The following SSH3 variants were observed in gnomAD, a reference collection of about 807,000 sequenced individuals.
The protein encoded by SSH3 is slingshot protein phosphatase 3, also known as protein phosphatase Slingshot homolog 3.
A neutral mutation model predicts 75.0 loss-of-function variants in SSH3; 67 were observed. The observed-to-expected ratio is 0.89, with a 90% CI of 0.73 to 1.10. SSH3 has a LOEUF of 1.10. Among genes scored for constraint, SSH3 ranks in the 50% least tolerant of loss-of-function variants. The pLI is 0.00. For missense variants in SSH3, 824 were observed against 872.7 expected (o/e 0.94, Z 0.70); for synonymous variants, 318 against 349.2 (o/e 0.91, Z 1.00).
intron 3 of SSH3, among the ~76,000 whole-genome samples, chr11:67,305,978 A>G (rs1861228392): frequency 1.3e-5 from 2 of 152,060 alleles, no homozygotes; most frequent in Non-Finnish European, 1.5e-5. Flanking sequence ...TGCAAGTGAC[A>G]GGGTAAAAAA....
At chr11:67,303,749 C>G in intron 1 of SSH3, 58 bp downstream of exon 1, 1 of 1,404,432 alleles carries the variant, frequency 7.1e-7, no homozygotes, top group South Asian at 1.5e-5. Flanking sequence ...CTTGGGAGCG[C>G]GTCCTGCCCG....
chr11:67,309,098 C>T, intron 10 of SSH3: 1 of 387,390 alleles, frequency 2.6e-6, no homozygotes, highest in East Asian at 5.4e-5. Flanking sequence ...CAGACCCACC[C>T]ACTCTCAGCT....
Position 67,307,918 on chromosome 11 carries a change from G to A in SSH3, c.864G>A (p.Leu288=), listed in dbSNP as rs1203226027. Residue 288 remains leucine, a synonymous_variant, in exon 8 of 14, where the codon CTG becomes CTA. Transcript: ENST00000308127. This position sits in a 1 kb window ranked among gnomAD's most constrained non-coding sequence, Gnocchi z 4.2. ...ELWKVLDVSD[L]ESVTSKEIRQ... ...GGAAAGTGTTGGATGTCAGTGACCTGGAGAGTGTCACTTCCAAAGAGGTGG... is the reference window on the plus strand; with the variant it reads ...GGAAAGTGTTGGATGTCAGTGACCTAGAGAGTGTCACTTCCAAAGAGGTGG... 1 of 1,614,238 alleles carries A rather than the reference G, an allele frequency of 6.2e-7. No homozygotes were observed. The highest frequency in any genetic ancestry group is 2.2e-5 in the East Asian group (1 of 44,896).
In SSH3 at chr11:67,307,068, T is replaced by A; in HGVS notation, c.491T>A (p.Val164Asp). The A allele has an allele frequency of 6.2e-7, 1 of 1,614,042 alleles. No homozygotes were observed. Among genetic ancestry groups the A allele is most frequent in the Non-Finnish European group, 8.5e-7 (1 of 1,179,984 alleles). The change falls in exon 5 of 14, where the codon GTC (valine) becomes GAC (aspartate). Residue 164 changes from valine (V) to aspartate (D), a missense_variant. Physicochemically the swap from Val to Asp is radical, Grantham distance 152. Transcript: ENST00000308127. The surrounding 1 kb of genome is among the most constrained non-coding windows in gnomAD (Gnocchi z 4.2). ...TCCCCCAGCTGCACCCTGGGCCTGG[T>A]CTTGCCCCTCTGGAGTGACACCCAG... is the stretch of plus-strand genomic sequence containing the variant. ...SSSPSCTLGL[V>D]LPLWSDTQVY...
intron 3 of SSH3, 68 bp from the exon 4 acceptor site, chr11:67,306,770 T>G: frequency 2.0e-6 from 3 of 1,520,108 alleles, no homozygotes; most frequent in Non-Finnish European, 1.8e-6. Context: ...GTTCTGGGCC[T>G]GGGGTGTCTA....
Position 67,304,147 on chromosome 11 carries a change from C to G in SSH3, c.96C>G (p.Leu32=), listed in dbSNP as rs747027866. 3 of 1,599,750 alleles carry G rather than the reference C, an allele frequency of 1.9e-6. No individual in the cohort carries two copies. Among genetic ancestry groups the G allele is most frequent in the Admixed American group, 1.7e-5 (1 of 59,532 alleles). ...AGGCGGTCCAGCGAAGGAGTCGACT[C>G]CAGCGAAGGTGAGCGCCACCTCCCC... ...WDQAVQRRSR[L]QRRQSFAVLR... Residue 32 remains leucine (L), a synonymous_variant, in exon 2 of 14, where the codon CTC becomes CTG. Transcript: ENST00000308127.
At position 67,307,206 on chromosome 11, in the gene SSH3, T is replaced by C; in HGVS notation, c.536+93T>C. On this transcript the variant is annotated intron_variant, in intron 5 of 13. Coordinates refer to ENST00000308127, the MANE Select transcript of SSH3 (RefSeq NM_017857.4). The surrounding 1 kb of genome is among the most constrained non-coding windows in gnomAD (Gnocchi z 4.2). Reference sequence around the variant, plus strand: ...CCTGGGCACCAGGGTACAGTAGAACTTTAGGCTGGGACTCTGGGGCCTGCT... The same window carrying C: ...CCTGGGCACCAGGGTACAGTAGAACCTTAGGCTGGGACTCTGGGGCCTGCT... The C allele has an allele frequency of 6.4e-7, 1 of 1,571,070 alleles. No individual in the cohort carries two copies. The highest frequency in any genetic ancestry group is 1.1e-5 in the South Asian group (1 of 87,100).
At position 67,307,648 on chromosome 11, in the gene SSH3, G is replaced by C. The variant is rs1368425062; in HGVS notation, c.702G>C (p.Glu234Asp). Residue 234 changes from glutamate to aspartate, a missense_variant, in exon 7 of 14, where the codon GAG becomes GAC. By Grantham distance (45) the Glu-to-Asp change is conservative. Transcript: ENST00000308127. This position sits in a 1 kb window ranked among gnomAD's most constrained non-coding sequence, Gnocchi z 4.2. ...TCACCTGGGCCAGCCACTACCAGGA[G>C]AGACTGAACTCCGAACAGAGCTGCC... ...SALTWASHYQ[E>D]RLNSEQSCLN... 1.2e-6 allele frequency: 2 copies of C among 1,614,084 alleles called. No individual in the cohort carries two copies. The highest frequency in any genetic ancestry group is 1.7e-6 in the Non-Finnish European group (2 of 1,180,042).
Position 67,310,149 on chromosome 11 carries a change from C to T in SSH3, c.1493C>T (p.Pro498Leu). The T allele has an allele frequency of 6.2e-7, 1 of 1,614,232 alleles. No individual in the cohort carries two copies. The highest frequency in any genetic ancestry group is 2.2e-5 in the East Asian group (1 of 44,890). ...HPAPEVSTPF[P>L]PLPPEPEGGG... is the part of the protein sequence containing the mutation. ...GCCCCTGAAGTCTCTACACCATTCC[C>T]ACCTCTTCCGCCAGAACCTGAGGGT... Residue 498 changes from proline (P) to leucine (L), a missense_variant, in exon 13 of 14, where the codon CCA becomes CTA. Coordinates refer to ENST00000308127, the MANE Select transcript of SSH3 (RefSeq NM_017857.4).
chr11:67,304,941 G>A lies in SSH3; in HGVS notation c.273G>A (p.Gln91=), dbSNP rs150042639. Residue 91 remains glutamine, a synonymous_variant, in exon 3 of 14, where the codon CAG becomes CAA. Transcript: ENST00000308127. ...FGQGSQSPQK[Q]EEQRQHLHLM... is the part of the protein sequence containing the mutation. The stretch of plus-strand genomic sequence containing the variant: ...AAGGATCCCAGAGTCCCCAGAAGCA[G>A]GAGGAGCAGAGGCAGCACCTGCACC... 439 of 1,613,584 alleles carry A rather than the reference G, an allele frequency of 2.7e-4. No homozygotes were observed. The highest frequency in any genetic ancestry group is 3.4e-4 in the Non-Finnish European group (401 of 1,179,984).
chr11:67,306,791 A>C (rs774592337), intron 3 of SSH3, 47 bp from the exon 4 acceptor site: 1 of 1,563,818 alleles, frequency 6.4e-7, no homozygotes, highest in Admixed American at 1.8e-5. Context: ...GGTGGGGAGC[A>C]GGGTCCTTGG....
chr11:67,303,998 G>A (rs1396525756), intron 1 of SSH3, 120 bp from the exon 2 acceptor site: 1 of 1,323,328 alleles, frequency 7.6e-7, no homozygotes, highest in East Asian at 2.6e-5. Context: ...GTGGACTGGG[G>A]TGGGAAGACG....
rs747586968 is a variant in SSH3, at chr11:67,307,766, G to A, written c.791+29G>A. 6.2e-7 allele frequency: 1 copy of A among 1,613,848 alleles called. No individual in the cohort carries two copies. Among genetic ancestry groups the A allele is most frequent in the Non-Finnish European group, 8.5e-7 (1 of 1,179,956 alleles). On this transcript the variant is annotated intron_variant, in intron 7 of 13. Transcript: ENST00000308127. This position sits in a 1 kb window ranked among gnomAD's most constrained non-coding sequence, Gnocchi z 4.2. ...AGTGTGTGGAGGGGAGGGACTGGGT[G>A]GAGGGGAAGGCAGGATAATGCAGTG...
chr11:67,305,996 C>T (rs978807256), intron 3 of SSH3, among the ~76,000 whole-genome samples: 11 of 150,344 alleles, frequency 7.3e-5, no homozygotes, highest in Non-Finnish European at 1.6e-4. Context: ...AAAAAAACAA[C>T]AAAAAAAAAC....
In SSH3 at chr11:67,311,839, G is replaced by A; in HGVS notation, c.1932G>A (p.Val644=). 1 of 1,612,874 alleles carries A rather than the reference G, an allele frequency of 6.2e-7. No homozygotes were observed. The highest frequency in any genetic ancestry group is 8.5e-7 in the Non-Finnish European group (1 of 1,179,990). ...CCTCTACGCCCAGGTTCCGGAAGGT[G>A]GTGAGACAGGCCAGCGTGCATGACA... ...CISSTPRFRK[V]VRQASVHDSG... The change falls in exon 14 of 14, where the codon GTG becomes GTA. Residue 644 remains valine, a synonymous_variant. Coordinates refer to ENST00000308127, the MANE Select transcript of SSH3 (RefSeq NM_017857.4).
chr11:67,303,853 C>T, intron 1 of SSH3, 162 bp downstream of exon 1: 2 of 797,922 alleles, frequency 2.5e-6, no homozygotes, highest in Non-Finnish European at 3.7e-6. Context: ...GGTACTGGCG[C>T]CGGGGCACAA....
rs1207223634 is a variant in SSH3 at position 67,306,818 on chromosome 11, G to A, written c.340-20G>A. On this transcript the variant is annotated intron_variant, in intron 3 of 13. Transcript: ENST00000308127. Reference sequence around the variant, plus strand: ...GGTCCTTGGGGCCACTGTGACCCTGGGTTCCTCATCTCCCCCCAGGCAGCC... The same window carrying A: ...GGTCCTTGGGGCCACTGTGACCCTGAGTTCCTCATCTCCCCCCAGGCAGCC... 1 of 1,599,300 alleles carries A rather than the reference G, an allele frequency of 6.3e-7. No homozygotes were observed. The highest frequency in any genetic ancestry group is 1.1e-5 in the South Asian group (1 of 89,628).
chr11:67,305,330 G>T (rs1861210022), intron 3 of SSH3, among the ~76,000 whole-genome samples: 1 of 151,598 alleles, frequency 6.6e-6, no homozygotes, highest in Non-Finnish European at 1.5e-5. Flanking sequence ...GGGACTACAG[G>T]CACCCGCCAC....
In SSH3 at chr11:67,310,143, C is replaced by T. The variant is rs1320619402; in HGVS notation, c.1487C>T (p.Pro496Leu). Residue 496 changes from proline (P) to leucine (L), a missense_variant, in exon 13 of 14, where the codon CCA becomes CTA. Transcript: ENST00000308127. ...CACCCAGCCCCTGAAGTCTCTACAC[C>T]ATTCCCACCTCTTCCGCCAGAACCT... ...EEHPAPEVST[P>L]FPPLPPEPEG... The T allele has an allele frequency of 1.9e-6, 3 of 1,614,216 alleles. No homozygotes were observed. In the Admixed American group the frequency reaches 5.0e-5, roughly 27 times the overall value.
Sources: allele counts gnomAD v4.1 joint callset (sites outside exome capture counted in the v4.1 genomes callset), GRCh38; gene constraint gnomAD v4.1.1; non-coding constraint Gnocchi (gnomAD v3.1); transcripts MANE v1.5; gene names NCBI Gene and HGNC (gene_info 2026-07-23, HGNC 2026-07-21).